The following LAT2 variants were observed in gnomAD, a reference collection of about 807,000 sequenced individuals.
LAT2 encodes linker for activation of T-cells family member 2.
Under a neutral mutation model 43.4 loss-of-function variants are expected in LAT2, and 23 were observed. The ratio of observed to expected loss-of-function variants is 0.53; its 90% confidence interval spans 0.38 to 0.75. The LOEUF (loss-of-function observed/expected upper bound fraction) is 0.75, where lower values mean the gene tolerates loss of function less well. Ranked by LOEUF, LAT2 falls within the 30% of genes least tolerant of loss-of-function variation. The pLI is 0.00. For missense variants in LAT2, 284 were observed against 310.2 expected (o/e 0.92, Z 0.64); for synonymous variants, 128 against 123.2 (o/e 1.04, Z -0.26).
At chr7:74,219,119 C>T (rs1802159487) in intron 4 of LAT2, among the ~76,000 whole-genome samples, 1 of 146,014 alleles carries the variant, frequency 6.8e-6, no homozygotes, top group African/African-American at 2.5e-5. Context: ...TCACTGCAAG[C>T]TCCGCTTCCC....
intron 10 of LAT2, 95 bp from the exon 11 acceptor site, chr7:74,223,629 T>A: frequency 8.5e-7 from 1 of 1,181,116 alleles, no homozygotes; most frequent in Non-Finnish European, 1.3e-6. Context: ...GCGGAAGAGG[T>A]CCCCTGCAAA....
In LAT2 at chr7:74,220,007, A is replaced by G. The variant is rs782197163; in HGVS notation, c.226A>G (p.Arg76Gly). The stretch of plus-strand genomic sequence containing the variant: ...ACCCCTGGCGGACATGGCACCCACA[A>G]GGTAGGTCACAGTCCCCCAGGAAGT... ...PGPLADMAPT[R>G]KDKLLQFYPS... Residue 76 changes from arginine (R) to glycine (G), a missense_variant and splice_region_variant, in exon 6 of 14, where the codon AGG becomes GGG. Coordinates refer to ENST00000460943, the MANE Select transcript of LAT2 (RefSeq NM_032464.3). This position sits in a 1 kb window ranked among gnomAD's most constrained non-coding sequence, Gnocchi z 4.5. The G allele has an allele frequency of 6.2e-6, 10 of 1,613,558 alleles. No individual in the cohort carries two copies. The highest frequency in any genetic ancestry group is 8.5e-6 in the Non-Finnish European group (10 of 1,179,936).
rs1438751207 is a variant in LAT2 at position 74,214,080 on chromosome 7, A to C, written c.-218-742A>C. ...TATGAAAAAATATATATAAATATAT[A>C]TATATGAAAAAATATATATAAATAT... is the stretch of plus-strand genomic sequence containing the variant. On this transcript the variant is annotated intron_variant, in intron 1 of 13. Transcript: ENST00000460943. 6.2e-5 allele frequency among the ~76,000 whole-genome samples: 8 copies of C among 129,184 alleles called. No homozygotes were observed. In the East Asian group the frequency reaches 1.6e-3, roughly 27 times the overall value. 84.7% of individuals were successfully genotyped at this position (129,184 alleles called of 152,430 possible). A position where few individuals can be genotyped will look rare whatever the true frequency, so the allele number is the denominator to read the frequency against.
intron 2 of LAT2, among the ~76,000 whole-genome samples, chr7:74,215,591 T>G (rs1802007209): frequency 6.6e-6 from 1 of 152,200 alleles, no homozygotes. Context: ...ACGTGAGCTC[T>G]CTGGCCTCAG....
chr7:74,227,565 A>G (rs1363789277), intron 13 of LAT2, among the ~76,000 whole-genome samples: 1 of 151,972 alleles, frequency 6.6e-6, no homozygotes, highest in Non-Finnish European at 1.5e-5. Flanking sequence ...TTCTAATTCA[A>G]TTTTTCTGGC....
chr7:74,218,067 GC>G (rs1177900386), intron 4 of LAT2, among the ~76,000 whole-genome samples: 2 of 151,546 alleles, frequency 1.3e-5, no homozygotes, highest in Non-Finnish European at 2.9e-5. Flanking sequence ...CCCACCCCCA[GC>G]CCCCTGATTG....
Position 74,220,491 on chromosome 7 carries a change from G to A in LAT2, c.266-93G>A. ...GGAGCACTGCAAAGGCTCAGACACG[G>A]GAAATAGCTGGCCCTGCCTTGGGCT... On this transcript the variant is annotated intron_variant, in intron 7 of 13. Transcript: ENST00000460943. The surrounding 1 kb of genome is among the most constrained non-coding windows in gnomAD (Gnocchi z 4.5). The A allele has an allele frequency of 6.5e-7, 1 of 1,527,056 alleles. No individual in the cohort carries two copies. The highest frequency in any genetic ancestry group is 9.0e-7 in the Non-Finnish European group (1 of 1,107,570). 94.6% of individuals were successfully genotyped at this position (1,527,056 alleles called of 1,614,324 possible). A position where few individuals can be genotyped will look rare whatever the true frequency, so the allele number is the denominator to read the frequency against.
intron 13 of LAT2, chr7:74,226,127 CT>C (rs1554716077): frequency 6.7e-6 from 1 of 150,372 alleles, no homozygotes; most frequent in African/African-American, 2.5e-5. Context: ...CAAGACCTCT[CT>C]CTCTACAAAA....
chr7:74,220,015 C>G lies in LAT2; in HGVS notation c.227+7C>G, dbSNP rs1802204792. The G allele has an allele frequency of 1.2e-6, 2 of 1,613,378 alleles. No homozygotes were observed. The highest frequency in any genetic ancestry group is 2.2e-5 in the South Asian group (2 of 91,068). On this transcript the variant is annotated splice_region_variant and intron_variant, in intron 6 of 13. Coordinates refer to ENST00000460943, the MANE Select transcript of LAT2 (RefSeq NM_032464.3). The surrounding 1 kb of genome is among the most constrained non-coding windows in gnomAD (Gnocchi z 4.5). ...CGGACATGGCACCCACAAGGTAGGTCACAGTCCCCCAGGAAGTGACAAGAA... is the reference window on the plus strand; with the variant it reads ...CGGACATGGCACCCACAAGGTAGGTGACAGTCCCCCAGGAAGTGACAAGAA...
rs2116153808 is a variant in LAT2 at position 74,220,323 on chromosome 7, T to C, written c.265+69T>C. The C allele has an allele frequency of 6.5e-7, 1 of 1,531,818 alleles. No individual in the cohort carries two copies. The highest frequency in any genetic ancestry group is 1.8e-5 in the Admixed American group (1 of 55,478). The allele number at this position is 1,531,818 out of a possible 1,614,324, so 94.9% of individuals were successfully genotyped here. On this transcript the variant is annotated intron_variant, in intron 7 of 13. Transcript: ENST00000460943. The surrounding 1 kb of genome is among the most constrained non-coding windows in gnomAD (Gnocchi z 4.5). ...GGGACTAAGACAGGCGAAAACCCCA[T>C]GGGACAGGCGTCGTGCAGTGGGGGC...
Position 74,224,133 on chromosome 7 carries a change from G to A in LAT2, c.564G>A (p.Glu188=), listed in dbSNP as rs782586905. The A allele has an allele frequency of 2.8e-5, 45 of 1,614,080 alleles. 1 individual carries two copies. The South Asian group carries it at 4.7e-4, about 17-fold the overall frequency. The stretch of plus-strand genomic sequence containing the variant: ...CCTCTGCCTCCCCGGAAGAAGATGA[G>A]GAATCTGAGGATTATCAGAACTCAG... ...LCPSASPEED[E]ESEDYQNSAS... Residue 188 remains glutamate, a synonymous_variant, in exon 12 of 14, where the codon GAG becomes GAA. Transcript: ENST00000460943.
chr7:74,219,860 G>A, intron 5 of LAT2, 73 bp downstream of exon 5: 1 of 1,611,458 alleles, frequency 6.2e-7, no homozygotes, highest in Non-Finnish European at 8.5e-7. Context: ...GGTCCCCATT[G>A]ACCTGAGACC....
chr7:74,215,846 C>A, intron 2 of LAT2, 101 bp from the exon 3 acceptor site: 1 of 819,442 alleles, frequency 1.2e-6, no homozygotes, highest in East Asian at 2.5e-5. Context: ...GTGGTGTTTC[C>A]GCAGCCTAGG....
At chr7:74,224,978 C>T in intron 13 of LAT2, 1 of 418,396 alleles carries the variant, frequency 2.4e-6, no homozygotes. Context: ...ACTTCAGGGG[C>T]AAAGAAGTGG....
At chr7:74,223,580 A>G in intron 10 of LAT2, 144 bp from the exon 11 acceptor site, 1 of 714,516 alleles carries the variant, frequency 1.4e-6, no homozygotes, top group Non-Finnish European at 2.5e-6. Flanking sequence ...ATCCAGAAGA[A>G]GGCTTGAGGT....
intron 1 of LAT2, among the ~76,000 whole-genome samples, chr7:74,212,150 G>A (rs970537048): frequency 1.3e-4 from 20 of 151,832 alleles, no homozygotes; most frequent in African/African-American, 4.4e-4. Flanking sequence ...TTGTTACATC[G>A]TCCATGCTGG....
At chr7:74,219,925 G>T (rs782394161) in intron 5 of LAT2, 35 bp from the exon 6 acceptor site, 7 of 1,612,804 alleles carry the variant, frequency 4.3e-6, no homozygotes, top group African/African-American at 1.3e-5. Context: ...GCTAGCTGGG[G>T]GCCCAGCCAA....
chr7:74,215,314 T>G (rs2116115879), intron 2 of LAT2: 1 of 152,910 alleles, frequency 6.5e-6, no homozygotes, highest in Admixed American at 6.5e-5. Context: ...TTGCAGTTGT[T>G]TCAGGAATGG....
chr7:74,217,689 G>C (rs547157374), intron 4 of LAT2, among the ~76,000 whole-genome samples: 1 of 152,286 alleles, frequency 6.6e-6, no homozygotes, highest in African/African-American at 2.4e-5. Flanking sequence ...AAGGGCAGTG[G>C]GTTCGACACT....
Sources: gnomAD v4.1 joint callset for allele counts (sites outside exome capture counted in the v4.1 genomes callset) on GRCh38, gnomAD v4.1.1 for gene constraint, Gnocchi (gnomAD v3.1) non-coding constraint, MANE v1.5 for transcripts, NCBI Gene and HGNC (gene_info 2026-07-23, HGNC 2026-07-21) for gene names.